The following CD99 variants were observed in gnomAD, a reference collection of about 807,000 sequenced individuals.
CD99 encodes CD99 antigen.
Under a neutral mutation model 28.4 loss-of-function variants are expected in CD99, and 19 were observed. That is an observed-to-expected ratio of 0.67 (90% CI 0.47 to 0.98). The LOEUF (loss-of-function observed/expected upper bound fraction) is 0.98. Ranked by LOEUF, CD99 falls within the 50% of genes least tolerant of loss-of-function variation. CD99 has a pLI of 0.00. For synonymous variants in CD99, 103 were observed against 92.1 expected (o/e 1.12, Z -0.67); for missense variants, 283 against 248.8 (o/e 1.14, Z -0.92).
intron 7 of CD99, 79 bp from the exon 8 acceptor site, chrX:2,726,181 C>G (rs1019385136): frequency 3.6e-6 from 3 of 825,618 alleles, no homozygotes; most frequent in South Asian, 1.5e-5. Flanking sequence ...GACTGACTGT[C>G]TCTGCCAGCC....
chrX:2,729,116 G>A (rs1311096304), intron 8 of CD99, among the ~76,000 whole-genome samples: 4 of 152,154 alleles, frequency 2.6e-5, no homozygotes, highest in East Asian at 1.9e-4. Context: ...GATTATAGGC[G>A]TGAGTCAAAG....
At chrX:2,700,609 C>T (rs2047805780) in intron 1 of CD99, among the ~76,000 whole-genome samples, 1 of 151,450 alleles carries the variant, frequency 6.6e-6, no homozygotes. Context: ...TTTATCCATC[C>T]GTTAATGCAC....
Position 2,719,689 on chromosome X carries a change from T to A in CD99, c.177T>A (p.Val59=), listed in dbSNP as rs1035372150. 2 of 1,613,838 alleles carry A rather than the reference T, an allele frequency of 1.2e-6. No individual in the cohort carries two copies. Among genetic ancestry groups the A allele is most frequent in the Admixed American group, 1.7e-5 (1 of 59,998 alleles). ...AGDDFDLGDA[V]VDGENDDPRP... is the part of the protein sequence containing the mutation. The stretch of plus-strand genomic sequence containing the variant: ...ATGACTTTGACTTAGGAGATGCTGT[T>A]GTTGATGGAGAAAATGGTGAGTATT... Residue 59 remains valine, a synonymous_variant, in exon 4 of 10, where the codon GTT becomes GTA. Coordinates refer to ENST00000381192, the MANE Select transcript of CD99 (RefSeq NM_002414.5).
At chrX:2,695,079 G>C (rs1209426564) in intron 1 of CD99, among the ~76,000 whole-genome samples, 2 of 152,094 alleles carry the variant, frequency 1.3e-5, no homozygotes, top group Non-Finnish European at 2.9e-5. Flanking sequence ...ACCTTGTGCT[G>C]GTTTTCAGTC....
chrX:2,697,738 C>T (rs2047642537), intron 1 of CD99, among the ~76,000 whole-genome samples: 1 of 152,080 alleles, frequency 6.6e-6, no homozygotes. Flanking sequence ...TCGGCCTCTT[C>T]TGCTGCTGTT....
At chrX:2,691,550 C>G (rs2047293598) in intron 1 of CD99, 123 bp downstream of exon 1, 1 of 1,122,346 alleles carries the variant, frequency 8.9e-7, no homozygotes, top group African/African-American at 1.5e-5. Flanking sequence ...CCCTGCCCGG[C>G]AGGACGCGCT....
chrX:2,735,402 G>C (rs929897203), intron 8 of CD99, among the ~76,000 whole-genome samples: 56 of 152,134 alleles, frequency 3.7e-4, no homozygotes, highest in Non-Finnish European at 7.5e-4. Context: ...ATGTGGGTAG[G>C]GGTGTACGGA....
At chrX:2,735,866 C>T (rs1241263698) in intron 8 of CD99, among the ~76,000 whole-genome samples, 7 of 152,104 alleles carry the variant, frequency 4.6e-5, no homozygotes, top group East Asian at 3.8e-4. Context: ...GTGGAGTTCA[C>T]GTAGCGTAAA....
intron 6 of CD99, 25 bp downstream of exon 6, chrX:2,722,699 C>CT: frequency 6.2e-7 from 1 of 1,612,594 alleles, no homozygotes; most frequent in Non-Finnish European, 8.5e-7. Context: ...TTTTCTGTCT[C>CT]TTTTCTCTCT....
intron 8 of CD99, among the ~76,000 whole-genome samples, chrX:2,734,159 A>G (rs1376968379): frequency 6.6e-6 from 1 of 151,642 alleles, no homozygotes; most frequent in Non-Finnish European, 1.5e-5. Flanking sequence ...TTGTTCTTCA[A>G]TGTAATTGAT....
rs181427355 is a variant in CD99, at chrX:2,714,405, C to T, written c.68-17C>T. The T allele has an allele frequency of 5.4e-5, 85 of 1,565,674 alleles. No individual in the cohort carries two copies. The African/African-American group carries it at 1.0e-3, about 19-fold the overall frequency. On this transcript the variant is annotated splice_polypyrimidine_tract_variant and intron_variant, in intron 1 of 9. Transcript: ENST00000381192. ...TATTTTTCTTGTTTCTAAGTTGACT[C>T]TTTTTTTCTCTCTTAGATGGTGGTT...
intron 8 of CD99, among the ~76,000 whole-genome samples, chrX:2,732,449 T>C (rs1001641550): frequency 6.6e-6 from 1 of 152,032 alleles, no homozygotes; most frequent in Non-Finnish European, 1.5e-5. Context: ...TCTCCTTCTT[T>C]CTCTTTCTTC....
chrX:2,720,490 T>G (rs964670973), intron 5 of CD99, 66 bp downstream of exon 5: 1 of 1,470,970 alleles, frequency 6.8e-7, no homozygotes, highest in Admixed American at 1.7e-5. Context: ...TTATGTCAGC[T>G]GAGAGGAGGT....
At chrX:2,733,434 T>A in intron 8 of CD99, 1 of 1,535,486 alleles carries the variant, frequency 6.5e-7, no homozygotes. Flanking sequence ...TTTTATCTGC[T>A]AAGACATAGC....
intron 1 of CD99, among the ~76,000 whole-genome samples, chrX:2,695,128 G>A (rs2047512246): frequency 6.6e-6 from 1 of 152,038 alleles, no homozygotes; most frequent in Non-Finnish European, 1.5e-5. Flanking sequence ...TACTTTAGGG[G>A]AAAAGAATTA....
At chrX:2,720,620 CTTT>C (rs71281938) in intron 5 of CD99, among the ~76,000 whole-genome samples, 196 bp downstream of exon 5, 11 of 83,928 alleles carry the variant, frequency 1.3e-4, no homozygotes, top group African/African-American at 5.4e-4. Flanking sequence ...TTTTAGTTTG[CTTT>C]TTTTTTTTTT....
chrX:2,736,877 A>T (rs905693794), intron 8 of CD99, among the ~76,000 whole-genome samples: 38 of 148,928 alleles, frequency 2.6e-4, no homozygotes, highest in Admixed American at 6.0e-4. Context: ...TAATAATAAT[A>T]AATAAATAAA....
chrX:2,736,874 A>G lies in CD99; in HGVS notation c.476-1326A>G, dbSNP rs1244849552. On this transcript the variant is annotated intron_variant, in intron 8 of 9. Transcript: ENST00000381192. ...TCTGTCTCAAAGAAATAATAATAAT[A>G]ATAAATAAATAAATAAATAAATAAA... Among the ~76,000 whole-genome samples, 4 of 135,930 alleles carry G rather than the reference A, an allele frequency of 2.9e-5. No homozygotes were observed. The East Asian group carries it at 6.1e-4, about 21-fold the overall frequency. 89.2% of individuals were successfully genotyped at this position (135,930 alleles called of 152,430 possible).
At chrX:2,712,390 CAAAT>C (rs1322088313) in intron 1 of CD99, among the ~76,000 whole-genome samples, 9 of 151,030 alleles carry the variant, frequency 6.0e-5, no homozygotes, top group East Asian at 1.9e-4. Context: ...GTTTGCACCA[CAAAT>C]AAATAGGCGA....
Sources: allele counts gnomAD v4.1 joint callset (sites outside exome capture counted in the v4.1 genomes callset), GRCh38; gene constraint gnomAD v4.1.1; transcripts MANE v1.5; gene names NCBI Gene and HGNC (gene_info 2026-07-23, HGNC 2026-07-21).